The following SCFD2 variants were observed in gnomAD, a reference collection of about 807,000 sequenced individuals.
SCFD2 encodes the protein sec1 family domain-containing protein 2.
A neutral mutation model predicts 58.9 loss-of-function variants in SCFD2; 54 were observed. That is an observed-to-expected ratio of 0.92 (90% CI 0.74 to 1.15). SCFD2 has a LOEUF of 1.15. Among genes scored for constraint, SCFD2 ranks in the 50% most tolerant of loss-of-function variants. The pLI is 0.00. For missense variants in SCFD2, 805 were observed against 836.6 expected (o/e 0.96, Z 0.47); for synonymous variants, 321 against 335.9 (o/e 0.96, Z 0.49).
Position 53,313,723 on chromosome 4 carries a change from T to C in SCFD2, c.1048A>G (p.Thr350Ala). The C allele has an allele frequency of 6.2e-7, 1 of 1,614,070 alleles. No individual in the cohort carries two copies. Among genetic ancestry groups the C allele is most frequent in the Non-Finnish European group, 8.5e-7 (1 of 1,179,932 alleles). The stretch of plus-strand genomic sequence containing the variant: ...TCCATCACTGCCTCTTTGTGCTTAG[T>C]GTTCAGTAAAGCTTCCCATAGGGCT... Reference protein sequence around the residue: ...AKALWEALLNTKHKEAVMEVR... With the variant: ...AKALWEALLNAKHKEAVMEVR... The change falls in exon 3 of 9, where the codon ACT becomes GCT. Residue 350 changes from threonine (T) to alanine (A), a missense_variant. Thr to Ala is a moderately conservative substitution (Grantham distance 58). Around this residue, in one of 3 missense-constraint regions of SCFD2, gnomAD observed 633 missense variants for 646.8 expected, o/e 0.98. Transcript: ENST00000401642.
At chr4:53,122,325 T>C (rs1725501167) in intron 5 of SCFD2, among the ~76,000 whole-genome samples, 1 of 151,600 alleles carries the variant, frequency 6.6e-6, no homozygotes, top group Non-Finnish European at 1.5e-5. Context: ...TGCAGTGAGC[T>C]GAGATTGTGC....
At chr4:52,901,117 T>C (rs1408164991) in intron 7 of SCFD2, among the ~76,000 whole-genome samples, 1 of 152,222 alleles carries the variant, frequency 6.6e-6, no homozygotes, top group Non-Finnish European at 1.5e-5. Flanking sequence ...TCGACCTGCT[T>C]TGGCTCATGC....
chr4:52,887,123 C>A (rs1461707490), intron 7 of SCFD2, among the ~76,000 whole-genome samples: 5 of 152,156 alleles, frequency 3.3e-5, no homozygotes, highest in Admixed American at 6.5e-5. Context: ...ATAATAGGTG[C>A]TCAATAAATG....
At chr4:52,972,547 G>A (rs1721133198) in intron 5 of SCFD2, among the ~76,000 whole-genome samples, 1 of 152,102 alleles carries the variant, frequency 6.6e-6, no homozygotes. Context: ...AAGAGACTTA[G>A]ACTCCCACAC....
intron 5 of SCFD2, among the ~76,000 whole-genome samples, chr4:52,971,173 C>T (rs1012674714): frequency 1.3e-5 from 2 of 152,164 alleles, no homozygotes; most frequent in Non-Finnish European, 2.9e-5. Flanking sequence ...TGGAGAATGA[C>T]TTTGACGAGC....
chr4:52,931,343 T>C (rs751305526), intron 5 of SCFD2, among the ~76,000 whole-genome samples: 1 of 152,214 alleles, frequency 6.6e-6, no homozygotes, highest in South Asian at 2.1e-4. Context: ...TGGTAGAGCC[T>C]GGGGAGCTAT....
chr4:53,309,057 C>G (rs1366918674), intron 3 of SCFD2, among the ~76,000 whole-genome samples: 1 of 151,888 alleles, frequency 6.6e-6, no homozygotes, highest in Non-Finnish European at 1.5e-5. Flanking sequence ...CGCTTGAACC[C>G]AGGCGGCGGA....
rs142831320 is a variant in SCFD2 at position 53,176,705 on chromosome 4, T to G, written c.1312-31123A>C. ...TGGCTCACGCCTGTAATCCCAGCAC[T>G]TTGGGAGTCCAAGGCGGGTGAATCA... On this transcript the variant is annotated intron_variant, in intron 4 of 8. Transcript: ENST00000401642. 8.2e-3 allele frequency among the ~76,000 whole-genome samples: 1,243 copies of G among 152,270 alleles called. 16 individuals carry two copies. The highest frequency in any genetic ancestry group is 0.028 in the African/African-American group (1,169 of 41,562).
intron 4 of SCFD2, among the ~76,000 whole-genome samples, chr4:53,263,882 G>GAAA (rs1730902951): frequency 6.6e-6 from 1 of 152,132 alleles, no homozygotes; most frequent in African/African-American, 2.4e-5. Context: ...CTTTGTCTTT[G>GAAA]GCAACCAGGG....
intron 3 of SCFD2, among the ~76,000 whole-genome samples, chr4:53,297,572 G>A (rs1388848831): frequency 1.3e-5 from 2 of 152,088 alleles, no homozygotes; most frequent in Admixed American, 6.6e-5. Flanking sequence ...TGGGTCTCCG[G>A]AATACGGCAC....
intron 5 of SCFD2, among the ~76,000 whole-genome samples, chr4:52,954,262 A>G (rs1223038920): frequency 6.6e-6 from 1 of 151,968 alleles, no homozygotes. Context: ...ACCGGGCTTG[A>G]TGGGTGGGAA....
chr4:53,174,450 G>T (rs1159742190), intron 4 of SCFD2, among the ~76,000 whole-genome samples: 2 of 152,038 alleles, frequency 1.3e-5, no homozygotes, highest in Non-Finnish European at 2.9e-5. Flanking sequence ...AAGAAAAATG[G>T]ATCACATACA....
intron 6 of SCFD2, among the ~76,000 whole-genome samples, chr4:52,917,851 T>C (rs368229771): frequency 9.8e-5 from 15 of 152,354 alleles, no homozygotes; most frequent in African/African-American, 3.6e-4. Context: ...TTGACACCTT[T>C]TCCTAACGGG....
chr4:53,156,862 A>C (rs1334355562), intron 4 of SCFD2, among the ~76,000 whole-genome samples: 1 of 152,266 alleles, frequency 6.6e-6, no homozygotes, highest in Non-Finnish European at 1.5e-5. Flanking sequence ...GCACTTGTGC[A>C]ATTGTTTTGA....
chr4:53,364,548 A>G (rs1458139966), intron 1 of SCFD2, among the ~76,000 whole-genome samples: 1 of 152,240 alleles, frequency 6.6e-6, no homozygotes, highest in East Asian at 1.9e-4. Flanking sequence ...CTAAAAATAA[A>G]TCAATAAACA....
chr4:53,009,356 T>C (rs1167676677), intron 5 of SCFD2, among the ~76,000 whole-genome samples: 5 of 152,182 alleles, frequency 3.3e-5, no homozygotes, highest in Admixed American at 6.5e-5. Flanking sequence ...TAAATACTGG[T>C]TGAGAACCAC....
At position 52,916,335 on chromosome 4, in the gene SCFD2, C is replaced by T. The variant is rs571609666; in HGVS notation, c.1707+4390G>A. ...CTGTAATCCCAGCATTTTGGGAGGCCGAGGTGGGCAGATCACCTGAGGTCA... is the reference window on the plus strand; with the variant it reads ...CTGTAATCCCAGCATTTTGGGAGGCTGAGGTGGGCAGATCACCTGAGGTCA... On this transcript the variant is annotated intron_variant, in intron 6 of 8. Coordinates refer to ENST00000401642, the MANE Select transcript of SCFD2 (RefSeq NM_152540.4). 5.3e-5 allele frequency among the ~76,000 whole-genome samples: 8 copies of T among 152,274 alleles called. No homozygotes were observed. In the East Asian group the frequency reaches 1.4e-3, roughly 26 times the overall value.
At chr4:53,178,287 C>A (rs966468359) in intron 4 of SCFD2, among the ~76,000 whole-genome samples, 35 of 152,170 alleles carry the variant, frequency 2.3e-4, no homozygotes, top group African/African-American at 8.0e-4. Context: ...GCCGGGTACT[C>A]CTCTGAGACA....
At chr4:53,314,486 T>C (rs1732796675) in intron 2 of SCFD2, among the ~76,000 whole-genome samples, 1 of 152,214 alleles carries the variant, frequency 6.6e-6, no homozygotes, top group South Asian at 2.1e-4. Flanking sequence ...CAGTGTTCTT[T>C]CCGGAAGATC....
Sources: allele counts gnomAD v4.1 joint callset (sites outside exome capture counted in the v4.1 genomes callset), GRCh38; gene constraint gnomAD v4.1.1; regional missense constraint gnomAD v4.1.1; transcripts MANE v1.5; gene names NCBI Gene and HGNC (gene_info 2026-07-23, HGNC 2026-07-21).